Variants in TMEM131L observed in about 807,000 individuals in gnomAD.
The protein encoded by TMEM131L is transmembrane 131 like.
In TMEM131L, 54 loss-of-function variants were observed where a neutral mutation model predicts 192.2. The ratio of observed to expected loss-of-function variants is 0.28; its 90% confidence interval spans 0.23 to 0.35. The LOEUF is 0.35. TMEM131L is among the 10% of genes least tolerant of loss of function. The pLI, the probability that TMEM131L is intolerant of heterozygous loss-of-function variation, is 1.00. For synonymous variants in TMEM131L, 701 were observed against 704.9 expected (o/e 0.99, Z 0.09); for missense variants, 1,888 against 1,972.9 (o/e 0.96, Z 0.82).
intron 7 of TMEM131L, among the ~76,000 whole-genome samples, chr4:153,560,150 T>C (rs979893820): frequency 6.6e-6 from 1 of 152,232 alleles, no homozygotes; most frequent in Admixed American, 6.5e-5. Flanking sequence ...CCCATACTTA[T>C]ATCCATTAAA....
At position 153,580,092 on chromosome 4, in the gene TMEM131L, G is replaced by C. The variant is rs191129776; in HGVS notation, c.661-734G>C. On this transcript the variant is annotated intron_variant, in intron 7 of 34. Coordinates refer to ENST00000409959, the MANE Select transcript of TMEM131L (RefSeq NM_001131007.2). ...GAAGTCTCATAGCCCATGTCTTTTA[G>C]ATTCACATACTGCACTGAGTAACTT... is the stretch of plus-strand genomic sequence containing the variant. Among the ~76,000 whole-genome samples, 235 of 152,178 alleles carry C rather than the reference G, an allele frequency of 1.5e-3. 1 individual carries two copies. The highest frequency in any genetic ancestry group is 5.8e-4 in the East Asian group (3 of 5,176).
intron 4 of TMEM131L, among the ~76,000 whole-genome samples, chr4:153,553,687 C>T (rs1737802143): frequency 6.6e-6 from 1 of 152,074 alleles, no homozygotes; most frequent in African/African-American, 2.4e-5. Context: ...CTTTGATTTT[C>T]CTGGGGGGTT....
Position 153,604,391 on chromosome 4 carries a change from C to T in TMEM131L, c.3379C>T (p.His1127Tyr). The change falls in exon 25 of 35, where the codon CAC (histidine) becomes TAC (tyrosine). Residue 1127 changes from histidine (H) to tyrosine (Y), a missense_variant. Transcript: ENST00000409959. ...TTTACCAAGAAACTCACCTCAGTACCACCAGCCAGACTTGCCAGAAATTTC... is the reference window on the plus strand; with the variant it reads ...TTTACCAAGAAACTCACCTCAGTACTACCAGCCAGACTTGCCAGAAATTTC... ...NHLPRNSPQY[H>Y]QPDLPEISRK... is the part of the protein sequence containing the mutation. The T allele has an allele frequency of 1.2e-6, 2 of 1,603,982 alleles. No individual in the cohort carries two copies. The highest frequency in any genetic ancestry group is 1.7e-6 in the Non-Finnish European group (2 of 1,177,044).
At chr4:153,632,906 G>A in intron 32 of TMEM131L, 68 bp downstream of exon 32, 1 of 1,558,484 alleles carries the variant, frequency 6.4e-7, no homozygotes, top group African/African-American at 1.4e-5. Context: ...TTTGAGTTCA[G>A]TTTCTTAGGG....
chr4:153,603,455 A>G lies in TMEM131L; in HGVS notation c.2789+3A>G, dbSNP rs780628250. On this transcript the variant is annotated splice_donor_region_variant and intron_variant, in intron 24 of 34. Coordinates refer to ENST00000409959, the MANE Select transcript of TMEM131L (RefSeq NM_001131007.2). The stretch of plus-strand genomic sequence containing the variant: ...GTAATCAGCCCCCATTCTTACAAGT[A>G]AGAATTCTTATAGTGTGGTTGGGAG... 6.2e-7 allele frequency: 1 copy of G among 1,612,746 alleles called. No homozygotes were observed. The highest frequency in any genetic ancestry group is 1.7e-5 in the Admixed American group (1 of 59,736).
rs1732036009 is a variant in TMEM131L at position 153,604,009 on chromosome 4, CACG to C, written c.3000_3002del (p.Thr1002del). ...GCACAGCTGCGGCCAGCAGCACCAGCACGACTACTGAGGAAAAACAGACTTCAC... is the reference window on the plus strand; with the variant it reads ...GCACAGCTGCGGCCAGCAGCACCAGCACTACTGAGGAAAAACAGACTTCAC... On this transcript the variant is annotated inframe_deletion, in exon 25 of 35. Transcript: ENST00000409959. 4 of 1,614,134 alleles carry C rather than the reference CACG, an allele frequency of 2.5e-6. No individual in the cohort carries two copies. The highest frequency in any genetic ancestry group is 3.4e-6 in the Non-Finnish European group (4 of 1,180,018).
intron 3 of TMEM131L, among the ~76,000 whole-genome samples, chr4:153,538,686 T>C (rs57831589): frequency 0.36 from 55,140 of 152,134 alleles, 12,254 homozygotes; most frequent in African/African-American, 0.63. Flanking sequence ...GAGCAGCTGC[T>C]GCTGGCAATT....
intron 31 of TMEM131L, 29 bp downstream of exon 31, chr4:153,627,716 T>C: frequency 1.9e-6 from 3 of 1,564,382 alleles, no homozygotes; most frequent in Non-Finnish European, 2.6e-6. Flanking sequence ...GCTGCAGACA[T>C]CAGCCAAGGG....
chr4:153,473,800 A>T, intron 2 of TMEM131L, 45 bp from the exon 3 acceptor site: 1 of 1,506,264 alleles, frequency 6.6e-7, no homozygotes, highest in Non-Finnish European at 9.0e-7. Context: ...TCAAAAACAA[A>T]CGAACAAACA....
At chr4:153,505,321 T>C (rs781718611) in intron 3 of TMEM131L, among the ~76,000 whole-genome samples, 21 of 152,046 alleles carry the variant, frequency 1.4e-4, no homozygotes, top group Non-Finnish European at 2.2e-4. Context: ...TTGGCCAGGC[T>C]GGTCTCAAAC....
At chr4:153,594,828 G>A (rs1382930512) in intron 19 of TMEM131L, among the ~76,000 whole-genome samples, 1 of 152,116 alleles carries the variant, frequency 6.6e-6, no homozygotes, top group African/African-American at 2.4e-5. Flanking sequence ...TTGTTAGCGA[G>A]TCTGCCCCTC....
Position 153,632,834 on chromosome 4 carries a change from A to C in TMEM131L, c.4324A>C (p.Asn1442His), listed in dbSNP as rs1419523394. Residue 1442 changes from asparagine to histidine, a missense_variant, in exon 32 of 35, where the codon AAT becomes CAT. Physicochemically the swap from Asn to His is moderately conservative, Grantham distance 68. Transcript: ENST00000409959. ...CVIQESAPVHNSFIDWSATCE... is the reference protein window; with the variant it reads ...CVIQESAPVHHSFIDWSATCE... The stretch of plus-strand genomic sequence containing the variant: ...GATTCAGGAGTCGGCCCCGGTTCAT[A>C]ATAGGTACAGCTTCACTTCTCTGAT... 1.2e-6 allele frequency: 2 copies of C among 1,614,122 alleles called. No individual in the cohort carries two copies. The highest frequency in any genetic ancestry group is 2.2e-5 in the East Asian group (1 of 44,874).
intron 21 of TMEM131L, 111 bp downstream of exon 21, chr4:153,598,843 C>A (rs1731631504): frequency 5.7e-6 from 5 of 882,968 alleles, no homozygotes; most frequent in Non-Finnish European, 7.8e-6. Context: ...TTTTTAAATT[C>A]TAAAAATTTA....
At chr4:153,596,555 G>GT (rs1731455055) in intron 20 of TMEM131L, among the ~76,000 whole-genome samples, 170 bp downstream of exon 20, 2 of 152,296 alleles carry the variant, frequency 1.3e-5, no homozygotes, top group African/African-American at 4.8e-5. Flanking sequence ...GGCTTGACAA[G>GT]TAATCCCCAA....
intron 27 of TMEM131L, 59 bp from the exon 28 acceptor site, chr4:153,621,624 C>T: frequency 6.4e-7 from 1 of 1,553,518 alleles, no homozygotes; most frequent in South Asian, 1.1e-5. Flanking sequence ...GAAAGGAAGT[C>T]TGCATGTGTA....
At chr4:153,511,029 G>A (rs1734318072) in intron 3 of TMEM131L, among the ~76,000 whole-genome samples, 2 of 152,240 alleles carry the variant, frequency 1.3e-5, no homozygotes. Flanking sequence ...ATACACGGTT[G>A]GTAGGAGTGT....
At chr4:153,511,450 G>A (rs1207517833) in intron 3 of TMEM131L, among the ~76,000 whole-genome samples, 1 of 152,118 alleles carries the variant, frequency 6.6e-6, no homozygotes, top group Non-Finnish European at 1.5e-5. Context: ...ACATAGGGTA[G>A]AACAACAGGA....
At chr4:153,608,111 C>A (rs1460914560) in intron 25 of TMEM131L, among the ~76,000 whole-genome samples, 4 of 151,976 alleles carry the variant, frequency 2.6e-5, no homozygotes, top group African/African-American at 9.7e-5. Flanking sequence ...ATGAGTGAGA[C>A]CCTGTCTCAA....
chr4:153,552,465 C>T (rs1737699201), intron 4 of TMEM131L, among the ~76,000 whole-genome samples: 1 of 152,098 alleles, frequency 6.6e-6, no homozygotes, highest in Non-Finnish European at 1.5e-5. Context: ...CCAGGACCCC[C>T]ATGGATACCA....
Sources: allele counts gnomAD v4.1 joint callset (sites outside exome capture counted in the v4.1 genomes callset), GRCh38; gene constraint gnomAD v4.1.1; transcripts MANE v1.5; gene names NCBI Gene and HGNC (gene_info 2026-07-23, HGNC 2026-07-21).